FARS2: variants seen among roughly 807,000 people sequenced by gnomAD.
FARS2 encodes phenylalanyl-tRNA synthetase 2, mitochondrial.
A neutral mutation model predicts 46.4 loss-of-function variants in FARS2; 40 were observed. The observed-to-expected ratio is 0.86, with a 90% CI of 0.67 to 1.12. The LOEUF (loss-of-function observed/expected upper bound fraction) is 1.12. FARS2 is among the 50% of genes most tolerant of loss of function. The pLI, the probability that FARS2 is intolerant of heterozygous loss-of-function variation, is 0.00. For synonymous variants in FARS2, 234 were observed against 214.9 expected, an observed-to-expected ratio of 1.09 and a Z score of -0.78; for missense variants, 513 against 567.9, an observed-to-expected ratio of 0.90 and a Z score of 0.98.
rs567811049 is a variant in FARS2, at chr6:5,504,985, A to T, written c.905-40195A>T. Among the ~76,000 whole-genome samples, 5 of 152,228 alleles carry T rather than the reference A, an allele frequency of 3.3e-5. No individual in the cohort carries two copies. The East Asian group carries it at 9.6e-4, about 29-fold the overall frequency. ...ACCTGGCTTGGACGTTTTTTAAAGA[A>T]AGATTTTAGTTTTGAAAATAGTTTC... is the stretch of plus-strand genomic sequence containing the variant. On this transcript the variant is annotated intron_variant, in intron 4 of 6. Transcript: ENST00000274680.
At chr6:5,345,837 T>C (rs964224228) in intron 1 of FARS2, among the ~76,000 whole-genome samples, 1 of 152,200 alleles carries the variant, frequency 6.6e-6, no homozygotes, top group Non-Finnish European at 1.5e-5. Context: ...AATCAGAAAA[T>C]AGGCCTATAA....
chr6:5,765,608 A>G lies in FARS2; in HGVS notation c.1218-5683A>G, dbSNP rs537158098. On this transcript the variant is annotated intron_variant, in intron 6 of 6. Transcript: ENST00000274680. This position sits in a 1 kb window ranked among gnomAD's most constrained non-coding sequence, Gnocchi z 4.0. Reference sequence around the variant, plus strand: ...GTGTCAGTGTTCTCGGGGAGGTGGGAGAAATTATGCACTGAAGAGCAAATC... The same window carrying G: ...GTGTCAGTGTTCTCGGGGAGGTGGGGGAAATTATGCACTGAAGAGCAAATC... Among the ~76,000 whole-genome samples the G allele has an allele frequency of 6.6e-6, 1 of 152,280 alleles. No individual in the cohort carries two copies. The highest frequency in any genetic ancestry group is 1.5e-5 in the Non-Finnish European group (1 of 68,010).
At chr6:5,327,974 C>G (rs1052429838) in intron 1 of FARS2, among the ~76,000 whole-genome samples, 1 of 152,154 alleles carries the variant, frequency 6.6e-6, no homozygotes, top group Non-Finnish European at 1.5e-5. Flanking sequence ...GTACAGATGA[C>G]TTTCAATACC....
intron 1 of FARS2, among the ~76,000 whole-genome samples, chr6:5,366,239 G>A (rs552890764): frequency 1.7e-4 from 26 of 152,272 alleles, no homozygotes; most frequent in Non-Finnish European, 3.1e-4. Flanking sequence ...AAAGTGGTAC[G>A]AACAATACTT....
intron 4 of FARS2, among the ~76,000 whole-genome samples, chr6:5,489,416 T>A (rs1766969514): frequency 6.6e-6 from 1 of 152,158 alleles, no homozygotes; most frequent in African/African-American, 2.4e-5. Context: ...ATGGCACCAC[T>A]GCACTCCAGC....
At chr6:5,349,386 A>G (rs931373385) in intron 1 of FARS2, among the ~76,000 whole-genome samples, 11 of 152,248 alleles carry the variant, frequency 7.2e-5, no homozygotes, top group Non-Finnish European at 1.3e-4. Context: ...AACATACTGA[A>G]GATGATAGTT....
Position 5,727,513 on chromosome 6 carries a change from A to G in FARS2, c.1218-43778A>G, listed in dbSNP as rs1179868411. ...GGTTTCGGGTAACTGAAGAAAGTGCATTCCGCGGTCTCCATGTGGTCAGGA... is the reference window on the plus strand; with the variant it reads ...GGTTTCGGGTAACTGAAGAAAGTGCGTTCCGCGGTCTCCATGTGGTCAGGA... On this transcript the variant is annotated intron_variant, in intron 6 of 6. Coordinates refer to ENST00000274680, the MANE Select transcript of FARS2 (RefSeq NM_006567.5). The surrounding 1 kb of genome is among the most constrained non-coding windows in gnomAD (Gnocchi z 4.1). Among the ~76,000 whole-genome samples the G allele has an allele frequency of 6.6e-6, 1 of 152,206 alleles. No homozygotes were observed. The highest frequency in any genetic ancestry group is 1.5e-5 in the Non-Finnish European group (1 of 68,040).
At chr6:5,569,615 A>G (rs1772523408) in intron 5 of FARS2, among the ~76,000 whole-genome samples, 1 of 152,190 alleles carries the variant, frequency 6.6e-6, no homozygotes. Flanking sequence ...GGCATAGTCA[A>G]GTCTTCAGCT....
At chr6:5,405,557 A>G (rs1761535692) in intron 3 of FARS2, among the ~76,000 whole-genome samples, 1 of 125,510 alleles carries the variant, frequency 8.0e-6, no homozygotes, top group Non-Finnish European at 1.6e-5. Context: ...CAGTGGGGTG[A>G]TCTCAGCTCA....
chr6:5,703,271 C>T (rs986503571), intron 6 of FARS2, among the ~76,000 whole-genome samples: 8 of 152,090 alleles, frequency 5.3e-5, no homozygotes, highest in Admixed American at 4.6e-4. Context: ...GCACAATCCA[C>T]GCTGTTCAGT....
intron 5 of FARS2, among the ~76,000 whole-genome samples, chr6:5,554,014 C>T (rs952435127): frequency 1.3e-5 from 2 of 152,152 alleles, no homozygotes; most frequent in Non-Finnish European, 2.9e-5. Context: ...TTATAATAAG[C>T]AGGTCTGTAA....
intron 5 of FARS2, among the ~76,000 whole-genome samples, chr6:5,573,693 C>A (rs1448106060): frequency 6.6e-6 from 1 of 152,176 alleles, no homozygotes; most frequent in African/African-American, 2.4e-5. Flanking sequence ...AAACCTCCGA[C>A]AACGTTTAAG....
At chr6:5,647,065 G>A (rs1306963056) in intron 6 of FARS2, among the ~76,000 whole-genome samples, 1 of 152,124 alleles carries the variant, frequency 6.6e-6, no homozygotes, top group Non-Finnish European at 1.5e-5. Context: ...GAAAACAATG[G>A]CCCAAATGTA....
intron 1 of FARS2, among the ~76,000 whole-genome samples, chr6:5,356,400 G>A (rs11243006): frequency 0.19 from 29,643 of 152,102 alleles, 3,406 homozygotes; most frequent in East Asian, 0.49. Flanking sequence ...GCAGTGAGCT[G>A]AGATGGCACC....
chr6:5,420,176 A>G (rs115395348), intron 3 of FARS2, among the ~76,000 whole-genome samples: 3,802 of 152,244 alleles, frequency 0.025, 191 homozygotes, highest in African/African-American at 0.088. Context: ...AGCATGAGAA[A>G]GACCTACCCC....
At chr6:5,317,164 G>T (rs1002039713) in intron 1 of FARS2, among the ~76,000 whole-genome samples, 2 of 152,180 alleles carry the variant, frequency 1.3e-5, no homozygotes, top group Admixed American at 1.3e-4. Context: ...TACAGTTACA[G>T]CAAACAGTAA....
At chr6:5,394,147 T>C (rs1283183900) in intron 2 of FARS2, among the ~76,000 whole-genome samples, 1 of 152,232 alleles carries the variant, frequency 6.6e-6, no homozygotes, top group Non-Finnish European at 1.5e-5. Flanking sequence ...CTGAAATAAA[T>C]GTATGTGTGT....
At chr6:5,714,273 AG>A (rs750136031) in intron 6 of FARS2, among the ~76,000 whole-genome samples, 1 of 152,204 alleles carries the variant, frequency 6.6e-6, no homozygotes, top group Non-Finnish European at 1.5e-5. Context: ...TCCAGGGGAC[AG>A]TGGGCAGGTC....
At chr6:5,553,832 A>G (rs1208609143) in intron 5 of FARS2, among the ~76,000 whole-genome samples, 1 of 152,152 alleles carries the variant, frequency 6.6e-6, no homozygotes, top group East Asian at 1.9e-4. Context: ...GGTGAAGCTC[A>G]TGCTGCTGGT....
Sources: gnomAD v4.1 joint callset for allele counts (sites outside exome capture counted in the v4.1 genomes callset) on GRCh38, gnomAD v4.1.1 for gene constraint, Gnocchi (gnomAD v3.1) non-coding constraint, MANE v1.5 for transcripts, NCBI Gene and HGNC (gene_info 2026-07-23, HGNC 2026-07-21) for gene names.